The following PLA2G4E variants were observed in gnomAD, a reference collection of about 807,000 sequenced individuals.
PLA2G4E encodes the protein cytosolic phospholipase A2 epsilon.
Under a neutral mutation model 109.1 loss-of-function variants are expected in PLA2G4E, and 84 were observed. That is an observed-to-expected ratio of 0.77 (90% CI 0.65 to 0.92). PLA2G4E has a LOEUF of 0.92. Ranked by LOEUF, PLA2G4E falls within the 40% of genes least tolerant of loss-of-function variation. The pLI is 0.00. For missense variants in PLA2G4E, 1,057 were observed against 1,076.6 expected (o/e 0.98, Z 0.25); for synonymous variants, 469 against 436.1 (o/e 1.08, Z -0.94).
At chr15:41,984,471 A>T (rs1374130414) in exon 19 of PLA2G4E, 4 of 1,613,610 alleles carry the variant, frequency 2.5e-6, no homozygotes, top group Non-Finnish European at 3.4e-6. Flanking sequence ...GTCATTGATG[A>T]GTGGGAAGAA....
intron 2 of PLA2G4E, among the ~76,000 whole-genome samples, 188 bp from the exon 3 acceptor site, chr15:42,008,053 G>A (rs1027343573): frequency 2.0e-5 from 3 of 152,192 alleles, no homozygotes; most frequent in East Asian, 1.9e-4. Flanking sequence ...TGTGGGTCTC[G>A]CAGAGGGCGA....
intron 1 of PLA2G4E, among the ~76,000 whole-genome samples, chr15:42,034,632 C>T (rs541129439): frequency 2.0e-5 from 3 of 152,232 alleles, no homozygotes; most frequent in Non-Finnish European, 4.4e-5. Flanking sequence ...AAATCTCCTC[C>T]TCTGCCCCCT....
At chr15:41,988,255 G>T in intron 15 of PLA2G4E, 99 bp from the exon 16 acceptor site, 1 of 749,036 alleles carries the variant, frequency 1.3e-6, no homozygotes, top group South Asian at 1.7e-5. Flanking sequence ...CCCCACGCAA[G>T]CCAGGCTGCT....
exon 20 of PLA2G4E, chr15:41,983,729 C>T: frequency 6.5e-7 from 1 of 1,548,638 alleles, no homozygotes; most frequent in Non-Finnish European, 8.8e-7. Context: ...GAAGCTGACA[C>T]AGAACAGGGG....
intron 7 of PLA2G4E, 26 bp from the exon 8 acceptor site, chr15:42,000,308 A>T: frequency 6.5e-7 from 1 of 1,541,270 alleles, no homozygotes; most frequent in South Asian, 1.2e-5. Flanking sequence ...AGAGGGTGAG[A>T]CCCTGGGAGC....
At chr15:42,004,878 T>A in intron 5 of PLA2G4E, 60 bp downstream of exon 5, 2 of 1,592,154 alleles carry the variant, frequency 1.3e-6, no homozygotes, top group East Asian at 4.5e-5. Context: ...GAAATGCTCG[T>A]TCCCAGAAGC....
exon 4 of PLA2G4E, chr15:42,006,001 G>C (rs1310839933): frequency 1.2e-6 from 2 of 1,613,928 alleles, no homozygotes; most frequent in Non-Finnish European, 1.7e-6. Flanking sequence ...TGCGGGTTGA[G>C]TGGAAACTTC....
At chr15:42,037,823 G>C (rs1477603826) in intron 1 of PLA2G4E, among the ~76,000 whole-genome samples, 1 of 152,214 alleles carries the variant, frequency 6.6e-6, no homozygotes, top group Non-Finnish European at 1.5e-5. Flanking sequence ...GCTGCTTGCG[G>C]TGCACCTGGA....
chr15:41,986,935 T>C (rs552595093), intron 17 of PLA2G4E: 5 of 566,068 alleles, frequency 8.8e-6, no homozygotes, highest in Non-Finnish European at 1.6e-5. Flanking sequence ...ACAGATTCTG[T>C]ATAGAATGAC....
At chr15:42,047,561 A>G (rs1022862070) in intron 1 of PLA2G4E, among the ~76,000 whole-genome samples, 3 of 152,234 alleles carry the variant, frequency 2.0e-5, no homozygotes, top group Non-Finnish European at 4.4e-5. Context: ...AGTTTCCAAC[A>G]CATGACCTTT....
chr15:42,043,989 C>A (rs914833788), intron 1 of PLA2G4E, among the ~76,000 whole-genome samples: 1 of 152,042 alleles, frequency 6.6e-6, no homozygotes, highest in South Asian at 2.1e-4. Context: ...GTACTTGGAC[C>A]GCAAAGAACC....
intron 1 of PLA2G4E, among the ~76,000 whole-genome samples, chr15:42,021,354 C>A (rs920207818): frequency 3.3e-5 from 5 of 151,912 alleles, no homozygotes; most frequent in African/African-American, 9.7e-5. Flanking sequence ...GACTAGCCCG[C>A]CATAATTTGG....
rs781622269 is a variant in PLA2G4E at position 41,989,556 on chromosome 15, C to T, written c.1586-4G>A. The T allele has an allele frequency of 2.5e-6, 4 of 1,612,102 alleles. No homozygotes were observed. Among genetic ancestry groups the T allele is most frequent in the Non-Finnish European group, 2.5e-6 (3 of 1,178,654 alleles). On this transcript the variant is annotated splice_region_variant and splice_polypyrimidine_tract_variant and intron_variant, in intron 14 of 19. Transcript: ENST00000399518. Reference sequence around the variant, plus strand: ...TAGGGGGAGAACTCGAACCACTCTGCACATGAAGCAGCAGGACGGGGGTCA... The same window carrying T: ...TAGGGGGAGAACTCGAACCACTCTGTACATGAAGCAGCAGGACGGGGGTCA...
At chr15:41,996,074 C>T (rs994463006) in intron 11 of PLA2G4E, among the ~76,000 whole-genome samples, 4 of 152,096 alleles carry the variant, frequency 2.6e-5, no homozygotes, top group Non-Finnish European at 2.9e-5. Flanking sequence ...GGGCCAGGTA[C>T]AATGGCTCAC....
intron 18 of PLA2G4E, 59 bp downstream of exon 18, chr15:41,985,780 G>A (rs2068129773): frequency 1.3e-6 from 2 of 1,541,584 alleles, no homozygotes; most frequent in Non-Finnish European, 1.8e-6. Flanking sequence ...GCCACTGACT[G>A]CGGGGCCCAT....
At chr15:42,033,068 G>A (rs1193505439) in intron 1 of PLA2G4E, among the ~76,000 whole-genome samples, 4 of 152,130 alleles carry the variant, frequency 2.6e-5, no homozygotes, top group Non-Finnish European at 4.4e-5. Context: ...TGTGTTGTAT[G>A]AGTGTGCTGT....
intron 11 of PLA2G4E, 66 bp from the exon 12 acceptor site, chr15:41,995,562 A>C: frequency 3.2e-6 from 5 of 1,586,570 alleles, no homozygotes; most frequent in Non-Finnish European, 4.3e-6. Flanking sequence ...GAAGACTTAG[A>C]ATGACGGCAA....
At chr15:42,038,585 C>T (rs1889258999) in intron 1 of PLA2G4E, among the ~76,000 whole-genome samples, 1 of 152,218 alleles carries the variant, frequency 6.6e-6, no homozygotes, top group African/African-American at 2.4e-5. Flanking sequence ...GGAGGCAGAG[C>T]TCAGGCGCTA....
intron 1 of PLA2G4E, among the ~76,000 whole-genome samples, chr15:42,018,642 C>G (rs1446055889): frequency 6.6e-6 from 1 of 152,138 alleles, no homozygotes. Context: ...CCAGGGAGGA[C>G]AGGCTGGACA....
Sources: gnomAD v4.1 joint callset for allele counts (sites outside exome capture counted in the v4.1 genomes callset) on GRCh38, gnomAD v4.1.1 for gene constraint, MANE v1.5 for transcripts, NCBI Gene and HGNC (gene_info 2026-07-23, HGNC 2026-07-21) for gene names.